FKTN: variants seen among roughly 807,000 people sequenced by gnomAD.
FKTN encodes fukutin.
FKTN carries 47 observed loss-of-function variants against 58.6 expected under a neutral mutation model. The ratio of observed to expected loss-of-function variants is 0.80; its 90% CI spans 0.63 to 1.02. FKTN has a LOEUF of 1.02. Among genes scored for constraint, FKTN ranks in the 50% least tolerant of loss-of-function variants. The pLI, the probability that FKTN is intolerant of heterozygous loss-of-function variation, is 0.00. For missense variants in FKTN, 516 were observed against 537.3 expected, an observed-to-expected ratio of 0.96 and a Z score of 0.39; for synonymous variants, 178 against 191.9, an observed-to-expected ratio of 0.93 and a Z score of 0.60.
At chr9:105,571,016 C>G (rs759550310) in intron 1 of FKTN, among the ~76,000 whole-genome samples, 52 of 152,122 alleles carry the variant, frequency 3.4e-4, no homozygotes, top group Non-Finnish European at 5.3e-4. Context: ...TGTATTCAGT[C>G]AGATTGTGAA....
At chr9:105,588,125 CTG>C (rs1360689541) in intron 3 of FKTN, among the ~76,000 whole-genome samples, 1 of 152,196 alleles carries the variant, frequency 6.6e-6, no homozygotes, top group African/African-American at 2.4e-5. Context: ...ATAAGAAACA[CTG>C]TTGGATACTG....
Position 105,587,353 on chromosome 9 carries a change from G to T in FKTN, c.106-9245G>T, listed in dbSNP as rs114664230. ...AGTTTGGATTTCAAGTTTGGCAGTA[G>T]TCATTCACAGTGAGCAATTTTATAT... On this transcript the variant is annotated intron_variant, in intron 3 of 10. Transcript: ENST00000357998. Among the ~76,000 whole-genome samples, 1,378 of 152,266 alleles carry T rather than the reference G, an allele frequency of 9.0e-3. 22 individuals carry two copies. The highest frequency in any genetic ancestry group is 0.032 in the African/African-American group (1,320 of 41,560).
intron 1 of FKTN, among the ~76,000 whole-genome samples, chr9:105,571,313 CA>C (rs1840697424): frequency 6.6e-6 from 1 of 151,988 alleles, no homozygotes; most frequent in South Asian, 2.1e-4. Flanking sequence ...TTCAGTGTCA[CA>C]TTATTCATTT....
chr9:105,623,608 A>T (rs1378317353), intron 10 of FKTN, among the ~76,000 whole-genome samples: 1 of 152,168 alleles, frequency 6.6e-6, no homozygotes, highest in African/African-American at 2.4e-5. Context: ...GAAAATTCAG[A>T]TTCATCCTCT....
intron 10 of FKTN, among the ~76,000 whole-genome samples, chr9:105,621,502 A>G (rs1215912405): frequency 6.6e-6 from 1 of 152,110 alleles, no homozygotes; most frequent in Admixed American, 6.5e-5. Flanking sequence ...AATATAAAGG[A>G]TGTGTATGAA....
intron 6 of FKTN, among the ~76,000 whole-genome samples, chr9:105,604,917 C>T (rs964157969): frequency 4.7e-5 from 7 of 150,472 alleles, no homozygotes; most frequent in Non-Finnish European, 8.9e-5. Flanking sequence ...GATTGTGATA[C>T]CACACTCTAG....
Position 105,636,927 on chromosome 9 carries a change from C to T in FKTN, c.*1663C>T, listed in dbSNP as rs1043686649. On this transcript the variant is annotated 3_prime_UTR_variant, in exon 11 of 11. Coordinates refer to ENST00000357998, the MANE Select transcript of FKTN (RefSeq NM_001079802.2). Reference sequence around the variant, plus strand: ...ACAGTCTTCTGTCCTAATTTGCATTCTCAATGCAGAATTATTGGGTCTTTC... The same window carrying T: ...ACAGTCTTCTGTCCTAATTTGCATTTTCAATGCAGAATTATTGGGTCTTTC... 6 of 1,062,974 alleles carry T rather than the reference C, an allele frequency of 5.6e-6. No homozygotes were observed. The African/African-American group carries it at 1.0e-4, about 18-fold the overall frequency. 65.8% of individuals were successfully genotyped at this position (1,062,974 alleles called of 1,614,324 possible).
intron 2 of FKTN, 97 bp from the exon 3 acceptor site, chr9:105,574,848 G>A: frequency 1.7e-6 from 1 of 579,096 alleles, no homozygotes; most frequent in Non-Finnish European, 3.1e-6. Context: ...AAGAATGCCT[G>A]TGGAAATTTA....
rs1285880102 is a variant in FKTN, at chr9:105,639,469, G to A, written c.*4205G>A. ...TACATACTTCTAAGGGTTTTTAGGG[G>A]GATTAAATGAAGTATACAGTTCTTA... On this transcript the variant is annotated 3_prime_UTR_variant, in exon 11 of 11. Transcript: ENST00000357998. The A allele has an allele frequency of 1.5e-6, 1 of 652,316 alleles. No homozygotes were observed. 40.4% of individuals were successfully genotyped at this position (652,316 alleles called of 1,614,324 possible). A position where few individuals can be genotyped will look rare whatever the true frequency, so the allele number is the denominator to read the frequency against.
intron 1 of FKTN, among the ~76,000 whole-genome samples, chr9:105,563,598 TGG>T (rs145267923): frequency 6.7e-4 from 93 of 139,400 alleles, no homozygotes; most frequent in East Asian, 2.0e-3. Flanking sequence ...GCAGCGAGGC[TGG>T]GGGGGGGGGC....
rs1834065057 is a variant in FKTN, at chr9:105,636,695, C to G, written c.*1431C>G. 7.8e-7 allele frequency: 1 copy of G among 1,283,434 alleles called. No homozygotes were observed. Among genetic ancestry groups the G allele is most frequent in the Non-Finnish European group, 1.0e-6 (1 of 974,762 alleles). The allele number at this position is 1,283,434 out of a possible 1,614,324, so 79.5% of individuals were successfully genotyped here. On this transcript the variant is annotated 3_prime_UTR_variant, in exon 11 of 11. Transcript: ENST00000357998. ...TAGGAAAGGAAGCTGAATCTTATAT[C>G]TTATCTATGCTATTTAGGACTACTT... is the stretch of plus-strand genomic sequence containing the variant.
chr9:105,597,991 CA>C (rs1312857157), intron 4 of FKTN: 1 of 335,286 alleles, frequency 3.0e-6, no homozygotes, highest in African/African-American at 2.2e-5. Flanking sequence ...AGAGAAAGTA[CA>C]GGTTCACTGA....
intron 3 of FKTN, among the ~76,000 whole-genome samples, chr9:105,590,263 A>T (rs1032929986): frequency 6.6e-6 from 1 of 152,118 alleles, no homozygotes; most frequent in South Asian, 2.1e-4. Context: ...GGGAGATCTG[A>T]TGATTTCTCC....
intron 3 of FKTN, among the ~76,000 whole-genome samples, chr9:105,593,131 C>G (rs533874249): frequency 1.7e-4 from 26 of 152,298 alleles, no homozygotes; most frequent in African/African-American, 5.5e-4. Flanking sequence ...AAGCATGATA[C>G]TGGCATCTGC....
rs78376516 is a variant in FKTN, at chr9:105,571,076, G to T, written c.-180-2579G>T. Reference sequence around the variant, plus strand: ...ATTTGAACTATTTGTAGGTGGTAGGGAACTATTGAAAAGTTTTGATTGTGG... The same window carrying T: ...ATTTGAACTATTTGTAGGTGGTAGGTAACTATTGAAAAGTTTTGATTGTGG... On this transcript the variant is annotated intron_variant, in intron 1 of 10. Coordinates refer to ENST00000357998, the MANE Select transcript of FKTN (RefSeq NM_001079802.2). 9.0e-3 allele frequency among the ~76,000 whole-genome samples: 1,377 copies of T among 152,224 alleles called. 22 individuals carry two copies. Among genetic ancestry groups the T allele is most frequent in the African/African-American group, 0.032 (1,321 of 41,554 alleles).
rs911606928 is a variant in FKTN at position 105,639,488 on chromosome 9, G to A, written c.*4224G>A. ...TTAGGGGGATTAAATGAAGTATACA[G>A]TTCTTAGCCTCAGGCCTAGGATTAA... is the stretch of plus-strand genomic sequence containing the variant. On this transcript the variant is annotated 3_prime_UTR_variant, in exon 11 of 11. Coordinates refer to ENST00000357998, the MANE Select transcript of FKTN (RefSeq NM_001079802.2). 5.5e-6 allele frequency: 4 copies of A among 725,280 alleles called. No individual in the cohort carries two copies. In the African/African-American group the frequency reaches 7.7e-5, roughly 14 times the overall value. 44.9% of individuals were successfully genotyped at this position (725,280 alleles called of 1,614,324 possible). A position where few individuals can be genotyped will look rare whatever the true frequency, so the allele number is the denominator to read the frequency against.
chr9:105,595,880 TG>T (rs1414893462), intron 3 of FKTN, among the ~76,000 whole-genome samples: 1 of 152,206 alleles, frequency 6.6e-6, no homozygotes, highest in Non-Finnish European at 1.5e-5. Context: ...GAAACTTATT[TG>T]GATCTTCATT....
At chr9:105,620,090 A>G in intron 10 of FKTN, 29 bp downstream of exon 10, 1 of 1,571,118 alleles carries the variant, frequency 6.4e-7, no homozygotes, top group Non-Finnish European at 8.8e-7. Flanking sequence ...CTTATTTATA[A>G]AGGTACTACA....
chr9:105,627,156 G>C (rs1832844897), intron 10 of FKTN, among the ~76,000 whole-genome samples: 1 of 151,826 alleles, frequency 6.6e-6, no homozygotes. Flanking sequence ...ATTTTTAGTA[G>C]AGATGGGGTT....
Sources: gnomAD v4.1 joint callset for allele counts (sites outside exome capture counted in the v4.1 genomes callset) on GRCh38, gnomAD v4.1.1 for gene constraint, MANE v1.5 for transcripts, NCBI Gene and HGNC (gene_info 2026-07-23, HGNC 2026-07-21) for gene names.